SIDT1: variants seen among roughly 807,000 people sequenced by gnomAD.
SIDT1 encodes SID1 transmembrane family, member 1.
A neutral mutation model predicts 107.5 loss-of-function variants in SIDT1; 101 were observed. The ratio of observed to expected loss-of-function variants is 0.94; its 90% CI spans 0.80 to 1.11. SIDT1 has a LOEUF of 1.11. Among genes scored for constraint, SIDT1 ranks in the 50% least tolerant of loss-of-function variants. The pLI is 0.00. For synonymous variants in SIDT1, 395 were observed against 398.2 expected (o/e 0.99, Z 0.10); for missense variants, 1,076 against 1,058.2 (o/e 1.02, Z -0.23).
chr3:113,566,368 G>C, intron 1 of SIDT1, 52 bp from the exon 2 acceptor site: 2 of 1,547,638 alleles, frequency 1.3e-6, no homozygotes, highest in Non-Finnish European at 1.8e-6. Flanking sequence ...GTGTGTGTTT[G>C]CATGTGTGCA....
At chr3:113,636,545 A>ATTTCCT in the SIDT1 span, among the ~76,000 whole-genome samples, 810 of 152,400 alleles carry the variant, frequency 5.3e-3, 5 homozygotes, top group Admixed American at 0.013. Context: ...ACACAACTAC[A>ATTTCCT]GTCAGGCTGA....
chr3:113,632,091 C>G (rs1947098899), downstream of SIDT1, among the ~76,000 whole-genome samples: 1 of 151,920 alleles, frequency 6.6e-6, no homozygotes, highest in Non-Finnish European at 1.5e-5. Context: ...ATCTTGAAGT[C>G]ATGTTACATT....
intron 4 of SIDT1, among the ~76,000 whole-genome samples, chr3:113,578,916 C>A (rs1008068445): frequency 1.3e-5 from 2 of 152,082 alleles, no homozygotes; most frequent in Non-Finnish European, 2.9e-5. Flanking sequence ...ATACTTAGAA[C>A]AAACTAATAA....
At chr3:113,549,437 G>A (rs1939965061) in intron 1 of SIDT1, among the ~76,000 whole-genome samples, 1 of 152,068 alleles carries the variant, frequency 6.6e-6, no homozygotes, top group South Asian at 2.1e-4. Flanking sequence ...CCAGAATTTT[G>A]TCTTTTAGCC....
intron 1 of SIDT1, among the ~76,000 whole-genome samples, chr3:113,557,358 C>A (rs528021359): frequency 6.6e-6 from 1 of 152,276 alleles, no homozygotes; most frequent in Admixed American, 6.5e-5. Context: ...GAGGTCCTAA[C>A]CCCTAGAACC....
chr3:113,581,634 A>G, intron 6 of SIDT1, 190 bp downstream of exon 6: 2 of 544,972 alleles, frequency 3.7e-6, no homozygotes, highest in South Asian at 4.4e-5. Context: ...GCACTTTGGG[A>G]GGCCAAGGCG....
At chr3:113,576,890 C>G in intron 3 of SIDT1, 32 bp from the exon 4 acceptor site, 2 of 1,610,572 alleles carry the variant, frequency 1.2e-6, no homozygotes, top group Non-Finnish European at 1.7e-6. Flanking sequence ...TCTCACTTTT[C>G]CCCTTTCCCT....
In SIDT1 at chr3:113,607,979, G is replaced by A. The variant is rs971692231; in HGVS notation, c.1479-115G>A. 2.5e-6 allele frequency: 3 copies of A among 1,191,362 alleles called. No homozygotes were observed. In the African/African-American group the frequency reaches 4.7e-5, roughly 19 times the overall value. 73.8% of individuals were successfully genotyped at this position (1,191,362 alleles called of 1,614,324 possible). The stretch of plus-strand genomic sequence containing the variant: ...ACTTTTCTGATCTTGAAACCTTATG[G>A]AAAGGTTAATGGAAAACATTCATGC... On this transcript the variant is annotated intron_variant, in intron 15 of 24. Transcript: ENST00000264852.
At chr3:113,635,604 C>T in the SIDT1 span, among the ~76,000 whole-genome samples, 12 of 152,246 alleles carry the variant, frequency 7.9e-5, no homozygotes, top group South Asian at 1.0e-3. Context: ...CAGTGGCTCA[C>T]GCCTGTAATC....
chr3:113,533,114 G>GC lies in SIDT1; in HGVS notation c.98dup (p.Ala34GlyfsTer54). 1 of 1,544,888 alleles carries GC rather than the reference G, an allele frequency of 6.5e-7. No individual in the cohort carries two copies. The highest frequency in any genetic ancestry group is 8.7e-7 in the Non-Finnish European group (1 of 1,147,604). ...GGCACCCGGCGAAATCCCCCAGGCA[G>GC]CCCCCGGCACCGCGCCGCGACCCCT... On this transcript the variant is annotated frameshift_variant, in exon 1 of 25. Coordinates refer to ENST00000264852, the MANE Select transcript of SIDT1 (RefSeq NM_017699.3). LOFTEE classifies it high-confidence loss of function.
rs1272123132 is a variant in SIDT1 at position 113,629,050 on chromosome 3, G to A, written c.*1342G>A. 6.6e-6 allele frequency: 1 copy of A among 152,182 alleles called. No individual in the cohort carries two copies. The allele number at this position is 152,182 out of a possible 1,614,324, so 9.4% of individuals were successfully genotyped here. ...AAAATAGACGTATAAATGTGCACAT[G>A]CGTATGTATTTGCTTGTGAAATTAA... is the stretch of plus-strand genomic sequence containing the variant. On this transcript the variant is annotated 3_prime_UTR_variant, in exon 25 of 25. Transcript: ENST00000264852.
Position 113,627,673 on chromosome 3 carries a change from G to T in SIDT1, c.2449G>T (p.Asp817Tyr), listed in dbSNP as rs1438723418. Reference protein sequence around the residue: ...LVLLTLDDDLDVVRRDQIPVF With the variant: ...LVLLTLDDDLYVVRRDQIPVF Reference sequence around the variant, plus strand: ...TTTGTTAACTTTGGATGATGACCTTGATGTGGTTCGGAGAGACCAGATCCC... The same window carrying T: ...TTTGTTAACTTTGGATGATGACCTTTATGTGGTTCGGAGAGACCAGATCCC... The change falls in exon 25 of 25, where the codon GAT (aspartate) becomes TAT (tyrosine). Residue 817 changes from aspartate to tyrosine, a missense_variant. Transcript: ENST00000264852. 1 of 1,613,930 alleles carries T rather than the reference G, an allele frequency of 6.2e-7. No individual in the cohort carries two copies. Among genetic ancestry groups the T allele is most frequent in the Non-Finnish European group, 8.5e-7 (1 of 1,180,030 alleles).
At position 113,533,163 on chromosome 3, in the gene SIDT1, T is replaced by C; in HGVS notation, c.142T>C (p.Phe48Leu). The C allele has an allele frequency of 6.3e-7, 1 of 1,576,708 alleles. No homozygotes were observed. Among genetic ancestry groups the C allele is most frequent in the Non-Finnish European group, 8.6e-7 (1 of 1,162,904 alleles). ...CTTCGACGCTGCCAGGGGCGCCGAT[T>C]TCGATCATGTCTACAGCGGGGTGGT... ...DPFDAARGAD[F>L]DHVYSGVVNL... is the part of the protein sequence containing the mutation. The change falls in exon 1 of 25, where the codon TTC (phenylalanine) becomes CTC (leucine). Residue 48 changes from phenylalanine (F) to leucine (L), a missense_variant. Transcript: ENST00000264852.
intron 1 of SIDT1, among the ~76,000 whole-genome samples, chr3:113,537,657 G>A (rs982021813): frequency 3.3e-5 from 5 of 152,174 alleles, no homozygotes; most frequent in Admixed American, 1.3e-4. Flanking sequence ...GGATATAACC[G>A]ACCACCATTG....
Position 113,604,958 on chromosome 3 carries a change from G to A in SIDT1, c.1386G>A (p.Leu462=), listed in dbSNP as rs1407214659. ...AVFYALPVIQ[L]VITYQTVVNV... ...TTTACGCGCTGCCCGTGATCCAGCT[G>A]GTCATTACCTATCAGACAGTAAGTG... is the stretch of plus-strand genomic sequence containing the variant. The change falls in exon 14 of 25, where the codon CTG becomes CTA. Residue 462 remains leucine, a synonymous_variant. Transcript: ENST00000264852. 6.2e-7 allele frequency: 1 copy of A among 1,613,836 alleles called. No homozygotes were observed. The highest frequency in any genetic ancestry group is 1.3e-5 in the African/African-American group (1 of 74,898).
chr3:113,581,519 C>G, intron 6 of SIDT1, 75 bp downstream of exon 6: 1 of 1,180,020 alleles, frequency 8.5e-7, no homozygotes, highest in Non-Finnish European at 1.3e-6. Flanking sequence ...GGCCAGCATC[C>G]AAAAGGGATG....
rs781110069 is a variant in SIDT1, at chr3:113,581,455, G to T, written c.747+11G>T. The T allele has an allele frequency of 3.1e-6, 5 of 1,602,890 alleles. No homozygotes were observed. Among genetic ancestry groups the T allele is most frequent in the East Asian group, 4.5e-5 (2 of 44,832 alleles). ...GCCATCACGCTACAGGTGAGGCATT[G>T]CTTCTGTGGGCATTATTGCCAATGG... On this transcript the variant is annotated intron_variant, in intron 6 of 24. Coordinates refer to ENST00000264852, the MANE Select transcript of SIDT1 (RefSeq NM_017699.3).
chr3:113,544,031 G>A (rs954602312), intron 1 of SIDT1, among the ~76,000 whole-genome samples: 3 of 152,016 alleles, frequency 2.0e-5, no homozygotes, highest in East Asian at 1.9e-4. Context: ...ATATAACTTA[G>A]TCAAATTTCA....
In SIDT1 at chr3:113,541,450, G is replaced by A. The variant is rs367549036; in HGVS notation, c.222+8207G>A. Among the ~76,000 whole-genome samples, 25 of 152,250 alleles carry A rather than the reference G, an allele frequency of 1.6e-4. No homozygotes were observed. The East Asian group carries it at 3.5e-3, about 21-fold the overall frequency. On this transcript the variant is annotated intron_variant, in intron 1 of 24. Transcript: ENST00000264852. ...CTTCCAAAGTGCTGAGATTACAGGC[G>A]TCAGCCTCCGGGCCCGGCCAGTACA...
Sources: allele counts gnomAD v4.1 joint callset (sites outside exome capture counted in the v4.1 genomes callset), GRCh38; gene constraint gnomAD v4.1.1; transcripts MANE v1.5; gene names NCBI Gene and HGNC (gene_info 2026-07-23, HGNC 2026-07-21).